The following LYST variants were observed in gnomAD, a reference collection of about 807,000 sequenced individuals.
The protein encoded by LYST is lysosomal-trafficking regulator.
LYST carries 192 observed loss-of-function variants against 413.6 expected under a neutral mutation model. The ratio of observed to expected loss-of-function variants is 0.46; its 90% CI spans 0.41 to 0.52. The LOEUF is 0.52. Among genes scored for constraint, LYST ranks in the 20% least tolerant of loss-of-function variants. The pLI, the probability that LYST is intolerant of heterozygous loss-of-function variation, is 0.00. For missense variants in LYST, 3,815 were observed against 4,499.9 expected (o/e 0.85, Z 4.35); for synonymous variants, 1,525 against 1,567.3 (o/e 0.97, Z 0.64).
In LYST at chr1:235,804,506, T is replaced by C. The variant is rs1449787999; in HGVS notation, c.3553A>G (p.Lys1185Glu). Reference sequence around the variant, plus strand: ...CAACTATATGTTGTTATTCATACCTTCTCAGTCATAGCATCATTATGTTCA... The same window carrying C: ...CAACTATATGTTGTTATTCATACCTCCTCAGTCATAGCATCATTATGTTCA... ...DFEHNDAMTE[K>E]SHQSAEELSS... Residue 1185 changes from lysine (K) to glutamate (E), a missense_variant and splice_region_variant, in exon 7 of 53, where the codon AAG (lysine) becomes GAG (glutamate). Lys to Glu is a moderately conservative substitution (Grantham distance 56). This residue lies in a region of LYST where 1,648 missense variants were observed against 1,810.3 expected (regional missense o/e 0.91). Transcript: ENST00000389793. The C allele has an allele frequency of 6.2e-6, 10 of 1,612,674 alleles. No homozygotes were observed. The highest frequency in any genetic ancestry group is 8.5e-6 in the Non-Finnish European group (10 of 1,178,822).
Position 235,792,000 on chromosome 1 carries a change from A to T in LYST, c.4242T>A (p.Tyr1414Ter), listed in dbSNP as rs1671053011. Residue 1414 changes from tyrosine (Y) to a stop codon, truncating the protein, a stop_gained, in exon 12 of 53, where the codon TAT becomes TAA. Coordinates refer to ENST00000389793, the MANE Select transcript of LYST (RefSeq NM_000081.4). LOFTEE classifies it high-confidence loss of function. ...NLSNGVSSQK[Y>*]PGILNSKAMG... The stretch of plus-strand genomic sequence containing the variant: ...TGGCCTTACTGTTTAAAATCCCAGG[A>T]TACTTTTGTGATGAAACACCGTTGC... The T allele has an allele frequency of 6.2e-7, 1 of 1,613,992 alleles. No individual in the cohort carries two copies. Among genetic ancestry groups the T allele is most frequent in the Admixed American group, 1.7e-5 (1 of 59,988 alleles).
intron 31 of LYST, chr1:235,738,250 C>T: frequency 6.2e-7 from 1 of 1,611,076 alleles, no homozygotes; most frequent in Non-Finnish European, 8.5e-7. Context: ...AAAGACTATA[C>T]TGTAACTGTA....
At chr1:235,738,636 ACT>A (rs781581862) in intron 31 of LYST, 1 of 1,607,904 alleles carries the variant, frequency 6.2e-7, no homozygotes, top group Non-Finnish European at 8.5e-7. Context: ...CTCCCTCAAG[ACT>A]CTGCACCCAG....
In LYST at chr1:235,752,116, C is replaced by T. The variant is rs1358321508; in HGVS notation, c.7516G>A (p.Ala2506Thr). The change falls in exon 27 of 53, where the codon GCA (alanine) becomes ACA (threonine). Residue 2506 changes from alanine to threonine, a missense_variant. By Grantham distance (58) the Ala-to-Thr change is moderately conservative. This residue lies in a region of LYST where 771 missense variants were observed against 837.1 expected (regional missense o/e 0.92). Transcript: ENST00000389793. ...GAACTGCAAGCATGAATTGTAACTG[C>T]TATGAAAAGTTGCTGTATATCACAA... Reference protein sequence around the residue: ...LACDIQQLFIAVTIHACSSSG... With the variant: ...LACDIQQLFITVTIHACSSSG... 6.2e-7 allele frequency: 1 copy of T among 1,611,534 alleles called. No individual in the cohort carries two copies. Among genetic ancestry groups the T allele is most frequent in the East Asian group, 2.2e-5 (1 of 44,758 alleles).
At chr1:235,754,813 C>A (rs1038322702) in intron 25 of LYST, among the ~76,000 whole-genome samples, 2 of 152,016 alleles carry the variant, frequency 1.3e-5, no homozygotes, top group African/African-American at 4.8e-5. Flanking sequence ...GTGGCCCACA[C>A]CTATAATCCC....
intron 8 of LYST, among the ~76,000 whole-genome samples, chr1:235,802,540 T>C (rs1013257803): frequency 1.3e-4 from 20 of 152,194 alleles, no homozygotes; most frequent in Admixed American, 1.3e-3. Context: ...AATGTAAACA[T>C]TGCCTCTTCA....
chr1:235,806,634 G>A lies in LYST; in HGVS notation c.2502C>T (p.Ala834=), dbSNP rs753120847. ...CTATCCCATCAATATCTGGAACTGAGGCATCTTTCTGTTGCTCCCCTAGGC... is the reference window on the plus strand; with the variant it reads ...CTATCCCATCAATATCTGGAACTGAAGCATCTTTCTGTTGCTCCCCTAGGC... ...IISLGEQQKD[A]SVPDIDGIDI... is the part of the protein sequence containing the mutation. Residue 834 remains alanine, a synonymous_variant, in exon 6 of 53, where the codon GCC becomes GCT. Transcript: ENST00000389793. The A allele has an allele frequency of 2.5e-6, 4 of 1,613,814 alleles. No homozygotes were observed. The African/African-American group carries it at 4.0e-5, about 16-fold the overall frequency.
intron 1 of LYST, among the ~76,000 whole-genome samples, chr1:235,864,017 C>G (rs1350497423): frequency 1.3e-5 from 2 of 152,194 alleles, no homozygotes; most frequent in African/African-American, 4.8e-5. Flanking sequence ...CAGGTAATGT[C>G]TGATCGCCCT....
chr1:235,722,292 T>C lies in LYST; in HGVS notation c.9316-1387A>G, dbSNP rs529386635. Among the ~76,000 whole-genome samples the C allele has an allele frequency of 2.5e-4, 38 of 152,282 alleles. 1 individual carries two copies. The South Asian group carries it at 7.5e-3, about 30-fold the overall frequency. On this transcript the variant is annotated intron_variant, in intron 39 of 52. Transcript: ENST00000389793. ...TTAACTGAATGTGACATGAAAGTGA[T>C]TGAAGGATTCTGAGCAGAGAAAAGA...
intron 1 of LYST, among the ~76,000 whole-genome samples, chr1:235,874,317 C>T (rs1271358549): frequency 6.6e-6 from 1 of 152,158 alleles, no homozygotes; most frequent in African/African-American, 2.4e-5. Flanking sequence ...TTGCAATGTT[C>T]AAGGCTTTGG....
chr1:235,788,964 TG>T, intron 12 of LYST, 119 bp from the exon 13 acceptor site: 1 of 874,950 alleles, frequency 1.1e-6, no homozygotes, highest in Non-Finnish European at 1.9e-6. Context: ...CTACCCAGAA[TG>T]TCTGAGCCTG....
chr1:235,679,519 A>G (rs533310801), intron 48 of LYST, among the ~76,000 whole-genome samples: 1 of 151,818 alleles, frequency 6.6e-6, no homozygotes, highest in South Asian at 2.1e-4. Context: ...TCATAAATTT[A>G]TTTTCTTAGC....
At chr1:235,663,712 A>G (rs1658208441) in intron 52 of LYST, among the ~76,000 whole-genome samples, 1 of 152,196 alleles carries the variant, frequency 6.6e-6, no homozygotes. Flanking sequence ...TATGAAAGGA[A>G]AAAATACAGT....
rs1662731041 is a variant in LYST, at chr1:235,715,228, A to G, written c.9757T>C (p.Phe3253Leu). ...VLHFLVRMPP[F>L]TKMFLAYQDQ... ...TGATAGGCTAAAAACATTTTAGTGA[A>G]AGGAGGCATCCTGACCAGGAAGTGA... Residue 3253 changes from phenylalanine (F) to leucine (L), a missense_variant, in exon 42 of 53, where the codon TTC becomes CTC. Physicochemically the swap from Phe to Leu is conservative, Grantham distance 22. Transcript: ENST00000389793. The G allele has an allele frequency of 6.2e-7, 1 of 1,613,958 alleles. No individual in the cohort carries two copies. The highest frequency in any genetic ancestry group is 1.3e-5 in the African/African-American group (1 of 74,882).
rs143475165 is a variant in LYST at position 235,775,495 on chromosome 1, A to T, written c.5461-409T>A. On this transcript the variant is annotated intron_variant, in intron 17 of 52. Coordinates refer to ENST00000389793, the MANE Select transcript of LYST (RefSeq NM_000081.4). ...AAAGAGATAAGATGTATCTATAAAA[A>T]CCACATGTCCTGCCTTGTATGTCAA... 3.0e-3 allele frequency among the ~76,000 whole-genome samples: 459 copies of T among 152,290 alleles called. 2 individuals are homozygous for T. Among genetic ancestry groups the T allele is most frequent in the African/African-American group, 0.01 (429 of 41,566 alleles).
chr1:235,863,478 T>C (rs961820651), intron 1 of LYST, among the ~76,000 whole-genome samples: 2 of 148,934 alleles, frequency 1.3e-5, no homozygotes, highest in African/African-American at 5.0e-5. Context: ...AAAAAAATGT[T>C]GAACTTAAGC....
intron 1 of LYST, among the ~76,000 whole-genome samples, chr1:235,841,160 T>A (rs1677159911): frequency 5.9e-5 from 9 of 152,202 alleles, no homozygotes; most frequent in Admixed American, 5.9e-4. Flanking sequence ...GCTCAAAATG[T>A]ATACCTTCTC....
Position 235,795,351 on chromosome 1 carries a change from G to A in LYST, c.4007-1739C>T, listed in dbSNP as rs115608128. 9.3e-4 allele frequency among the ~76,000 whole-genome samples: 141 copies of A among 152,106 alleles called. 1 individual carries two copies. The highest frequency in any genetic ancestry group is 3.2e-3 in the African/African-American group (133 of 41,392). ...CATGGCTACTGAGTGTAACTGTACA[G>A]TCTGCAGACTGAACAAACTGCCTAA... On this transcript the variant is annotated intron_variant, in intron 10 of 52. Coordinates refer to ENST00000389793, the MANE Select transcript of LYST (RefSeq NM_000081.4).
At position 235,697,155 on chromosome 1, in the gene LYST, C is replaced by A; in HGVS notation, c.10492G>T (p.Ala3498Ser). The A allele has an allele frequency of 6.2e-7, 1 of 1,614,174 alleles. No individual in the cohort carries two copies. The highest frequency in any genetic ancestry group is 8.5e-7 in the Non-Finnish European group (1 of 1,180,032). The change falls in exon 46 of 53, where the codon GCT (alanine) becomes TCT (serine). Residue 3498 changes from alanine to serine, a missense_variant. Ala to Ser is a moderately conservative substitution (Grantham distance 99). Coordinates refer to ENST00000389793, the MANE Select transcript of LYST (RefSeq NM_000081.4). ...CCACAGATTGCTCTGGTGGGCAGAG[C>A]CTGGAGAGAGCCAAATCTTTCTCCG... ...PHGERFGSLQ[A>S]LPTRAICGLS...
Sources: allele counts gnomAD v4.1 joint callset (sites outside exome capture counted in the v4.1 genomes callset), GRCh38; gene constraint gnomAD v4.1.1; regional missense constraint gnomAD v4.1.1; transcripts MANE v1.5; gene names NCBI Gene and HGNC (gene_info 2026-07-23, HGNC 2026-07-21).